ANO4: variants seen among roughly 807,000 people sequenced by gnomAD.
The protein encoded by ANO4 is anoctamin 4, also known as anoctamin-4.
In ANO4, 69 loss-of-function variants were observed where a neutral mutation model predicts 141.9. The observed-to-expected ratio is 0.49, with a 90% confidence interval of 0.40 to 0.59. ANO4 has a LOEUF of 0.59. Ranked by LOEUF, ANO4 falls within the 20% of genes least tolerant of loss-of-function variation. The probability of loss-of-function intolerance (pLI) is 0.00; values close to 1 mark genes in which losing one functional copy is unlikely to be tolerated. For synonymous variants in ANO4, 350 were observed against 394.3 expected (o/e 0.89, Z 1.33); for missense variants, 894 against 1,162.2 (o/e 0.77, Z 3.36).
At chr12:100,771,671 C>T (rs1169055850) in intron 3 of ANO4, among the ~76,000 whole-genome samples, 1 of 152,190 alleles carries the variant, frequency 6.6e-6, no homozygotes, top group African/African-American at 2.4e-5. Flanking sequence ...AGTACTGAGT[C>T]AGAATGGAGA....
intron 1 of ANO4, among the ~76,000 whole-genome samples, chr12:100,719,907 T>G (rs762508130): frequency 6.6e-6 from 1 of 152,174 alleles, no homozygotes; most frequent in East Asian, 1.9e-4. Context: ...AAATGAGAAA[T>G]GAGATTAGGG....
chr12:100,840,012 A>G (rs1451939995), intron 1 of ANO4, among the ~76,000 whole-genome samples: 4 of 152,072 alleles, frequency 2.6e-5, no homozygotes, highest in Non-Finnish European at 4.4e-5. Flanking sequence ...GAATTTTTGT[A>G]ATCAGATGCT....
chr12:100,984,288 G>C (rs1237420461), intron 7 of ANO4, among the ~76,000 whole-genome samples: 1 of 152,114 alleles, frequency 6.6e-6, no homozygotes, highest in Non-Finnish European at 1.5e-5. Context: ...GTAGAGATGG[G>C]GTTTCACTAT....
intron 1 of ANO4, among the ~76,000 whole-genome samples, chr12:100,880,184 A>G (rs1015864993): frequency 4.6e-5 from 7 of 152,200 alleles, no homozygotes; most frequent in Non-Finnish European, 1.0e-4. Context: ...GGAGGTTATT[A>G]GAGGTCAGAG....
intron 22 of ANO4, among the ~76,000 whole-genome samples, chr12:101,110,103 C>T (rs985999047): frequency 6.6e-6 from 1 of 152,148 alleles, no homozygotes; most frequent in Admixed American, 6.5e-5. Flanking sequence ...ATTGTCCCTA[C>T]CGTAGCTCTG....
At chr12:101,022,041 C>CAAAA (rs34942464) in intron 9 of ANO4, among the ~76,000 whole-genome samples, 6 of 76,064 alleles carry the variant, frequency 7.9e-5, no homozygotes, top group African/African-American at 2.0e-4. Flanking sequence ...ATGACTCTGC[C>CAAAA]AAAAAAAAAA....
chr12:100,808,219 C>T (rs1355081644), intron 1 of ANO4, among the ~76,000 whole-genome samples: 2 of 152,146 alleles, frequency 1.3e-5, no homozygotes, highest in African/African-American at 4.8e-5. Context: ...ACAACCTCAC[C>T]AGTATCCTTT....
At chr12:101,031,350 A>G (rs1455921402) in intron 9 of ANO4, among the ~76,000 whole-genome samples, 6 of 152,230 alleles carry the variant, frequency 3.9e-5, no homozygotes, top group Non-Finnish European at 7.3e-5. Context: ...GATTATCTCA[A>G]TAGATGCAGA....
chr12:100,837,720 TAAAAA>T (rs66789704), intron 1 of ANO4, among the ~76,000 whole-genome samples: 4 of 122,646 alleles, frequency 3.3e-5, no homozygotes, highest in Non-Finnish European at 5.0e-5. Flanking sequence ...ACCTTGTCTC[TAAAAA>T]AAAAAAAAAA....
chr12:100,952,626 T>C (rs1429687607), intron 5 of ANO4, among the ~76,000 whole-genome samples: 1 of 152,220 alleles, frequency 6.6e-6, no homozygotes. Context: ...CACCTACCAC[T>C]GCCCCATATC....
chr12:101,062,552 G>C (rs1022114714), intron 14 of ANO4, among the ~76,000 whole-genome samples: 1 of 152,228 alleles, frequency 6.6e-6, no homozygotes, highest in Admixed American at 6.5e-5. Flanking sequence ...CCTGACTGGG[G>C]CTGCTGCCTT....
chr12:100,728,160 T>C (rs1250732616), intron 1 of ANO4, among the ~76,000 whole-genome samples: 1 of 152,232 alleles, frequency 6.6e-6, no homozygotes, highest in Admixed American at 6.5e-5. Flanking sequence ...AAGACATAAA[T>C]AGGCACTGTG....
intron 7 of ANO4, among the ~76,000 whole-genome samples, chr12:100,977,926 C>T (rs776468789): frequency 1.1e-4 from 16 of 152,212 alleles, no homozygotes; most frequent in African/African-American, 1.4e-4. Flanking sequence ...GTTATGCTCA[C>T]GTGGGTTTAT....
chr12:100,900,989 TTAA>T (rs1593691323), intron 1 of ANO4, among the ~76,000 whole-genome samples: 1 of 152,366 alleles, frequency 6.6e-6, no homozygotes, highest in East Asian at 1.9e-4. Flanking sequence ...GGAGTCCATA[TTAA>T]TGATGTAATC....
intron 3 of ANO4, among the ~76,000 whole-genome samples, chr12:100,927,304 T>A (rs1197483966): frequency 1.3e-5 from 2 of 152,114 alleles, no homozygotes; most frequent in African/African-American, 2.4e-5. Context: ...AGATTTAGTT[T>A]GATGCAATGA....
At chr12:100,820,534 A>C (rs935325224) in intron 1 of ANO4, among the ~76,000 whole-genome samples, 17 of 152,050 alleles carry the variant, frequency 1.1e-4, no homozygotes, top group Admixed American at 9.8e-4. Context: ...GAAAAATGTA[A>C]GTCGGCAAGC....
At chr12:100,921,573 G>A (rs964627467) in intron 2 of ANO4, among the ~76,000 whole-genome samples, 12 of 152,042 alleles carry the variant, frequency 7.9e-5, no homozygotes, top group African/African-American at 2.9e-4. Context: ...TTGATACCTT[G>A]GTTTCTTTGA....
intron 12 of ANO4, among the ~76,000 whole-genome samples, chr12:101,042,906 A>G (rs2047466408): frequency 6.6e-6 from 1 of 152,204 alleles, no homozygotes. Flanking sequence ...GATGACCATT[A>G]TCTTGGTTGT....
intron 3 of ANO4, among the ~76,000 whole-genome samples, chr12:100,764,886 G>A (rs1191838497): frequency 4.6e-5 from 7 of 152,128 alleles, no homozygotes; most frequent in Admixed American, 3.9e-4. Flanking sequence ...TGAGATTTTT[G>A]CATGTGCATT....
Sources: allele counts gnomAD v4.1 joint callset (sites outside exome capture counted in the v4.1 genomes callset), GRCh38; gene constraint gnomAD v4.1.1; transcripts MANE v1.5; gene names NCBI Gene and HGNC (gene_info 2026-07-23, HGNC 2026-07-21).